CCSER1: variants seen among roughly 807,000 people sequenced by gnomAD.
The protein encoded by CCSER1 is coiled-coil serine rich protein 1, also known as serine-rich coiled-coil domain-containing protein 1.
Under a neutral mutation model 82.0 loss-of-function variants are expected in CCSER1, and 41 were observed. That is an observed-to-expected ratio of 0.50 (90% confidence interval 0.39 to 0.65). The LOEUF (loss-of-function observed/expected upper bound fraction) is 0.65, where lower values mean the gene tolerates loss of function less well. Among genes scored for constraint, CCSER1 ranks in the 30% least tolerant of loss-of-function variants. The probability of loss-of-function intolerance (pLI) is 0.00; values close to 1 mark genes in which losing one functional copy is unlikely to be tolerated. For missense variants in CCSER1, 1,119 were observed against 1,064.2 expected (o/e 1.05, Z -0.72); for synonymous variants, 414 against 383.9 (o/e 1.08, Z -0.92).
chr4:90,843,529 A>T (rs1400746720), intron 8 of CCSER1, among the ~76,000 whole-genome samples: 6 of 152,136 alleles, frequency 3.9e-5, no homozygotes, highest in African/African-American at 1.4e-4. Flanking sequence ...CTTCAGATTA[A>T]TTTTTTTCCT....
At chr4:91,040,505 A>T (rs1741865622) in intron 9 of CCSER1, among the ~76,000 whole-genome samples, 1 of 152,152 alleles carries the variant, frequency 6.6e-6, no homozygotes, top group African/African-American at 2.4e-5. Flanking sequence ...AATCATATTG[A>T]AAATATTGGC....
intron 6 of CCSER1, 59 bp from the exon 7 acceptor site, chr4:90,723,855 G>T: frequency 2.8e-6 from 2 of 704,932 alleles, no homozygotes; most frequent in Non-Finnish European, 4.4e-6. Flanking sequence ...TCTAAATTAT[G>T]AATAGTCAAA....
intron 4 of CCSER1, among the ~76,000 whole-genome samples, chr4:90,424,725 A>T (rs1005376635): frequency 6.6e-6 from 1 of 152,210 alleles, no homozygotes. Flanking sequence ...CTTCCAGTTC[A>T]GTCCTCTTTC....
intron 1 of CCSER1, among the ~76,000 whole-genome samples, chr4:90,276,234 CTTTCTTTCTTTCT>C (rs1727602156): frequency 1.8e-5 from 2 of 109,116 alleles, no homozygotes; most frequent in African/African-American, 3.7e-5. Flanking sequence ...TTCTTTCTTT[CTTTCTTTCTTTCT>C]TTCTTTCCTT....
chr4:91,285,939 T>C (rs1560566609), intron 10 of CCSER1, among the ~76,000 whole-genome samples: 1 of 151,776 alleles, frequency 6.6e-6, no homozygotes, highest in Non-Finnish European at 1.5e-5. Flanking sequence ...AGAAATTTTA[T>C]AGTTGGTTCT....
At chr4:90,917,394 C>G (rs1727637077) in intron 8 of CCSER1, among the ~76,000 whole-genome samples, 1 of 152,098 alleles carries the variant, frequency 6.6e-6, no homozygotes, top group Non-Finnish European at 1.5e-5. Flanking sequence ...AACCATCATT[C>G]TCAGCAAACT....
intron 10 of CCSER1, among the ~76,000 whole-genome samples, chr4:91,174,470 G>A (rs1471908369): frequency 6.6e-6 from 1 of 151,948 alleles, no homozygotes; most frequent in Non-Finnish European, 1.5e-5. Flanking sequence ...TTTACTATAA[G>A]TTCTGGGAAG....
At chr4:91,105,267 C>G (rs1380011685) in intron 10 of CCSER1, among the ~76,000 whole-genome samples, 51 of 151,726 alleles carry the variant, frequency 3.4e-4, no homozygotes. Context: ...ACATACACTA[C>G]AAGTAATATG....
At chr4:90,627,838 T>C (rs1050020037) in intron 5 of CCSER1, among the ~76,000 whole-genome samples, 187 bp from the exon 6 acceptor site, 2 of 152,018 alleles carry the variant, frequency 1.3e-5, no homozygotes, top group Middle Eastern at 3.2e-3. Context: ...ATCACGCCAC[T>C]GCACTCCAGC....
intron 3 of CCSER1, among the ~76,000 whole-genome samples, chr4:90,395,859 C>G (rs1751870628): frequency 6.7e-6 from 1 of 149,172 alleles, no homozygotes; most frequent in South Asian, 2.1e-4. Context: ...GACATGAGGT[C>G]AGAAGTTCAA....
rs1028175341 is a variant in CCSER1 at position 90,635,799 on chromosome 4, T to G, written c.1932+7567T>G. Among the ~76,000 whole-genome samples, 3 of 151,904 alleles carry G rather than the reference T, an allele frequency of 2.0e-5. 1 individual carries two copies. Among genetic ancestry groups the G allele is most frequent in the Admixed American group, 2.0e-4 (3 of 15,250 alleles). On this transcript the variant is annotated intron_variant, in intron 6 of 10. Transcript: ENST00000509176. ...GTTCCCAACACAAAGAAAAGATACA[T>G]GTTTGAGGTGATGTATATAGCAATT... is the stretch of plus-strand genomic sequence containing the variant.
intron 10 of CCSER1, among the ~76,000 whole-genome samples, chr4:91,496,611 TATACAC>T (rs1560716259): frequency 7.6e-5 from 2 of 26,442 alleles, no homozygotes; most frequent in African/African-American, 2.1e-4. Flanking sequence ...TGAATATATA[TATACAC>T]GAATATATAT....
At chr4:91,394,340 C>T (rs950030303) in intron 10 of CCSER1, among the ~76,000 whole-genome samples, 1 of 151,954 alleles carries the variant, frequency 6.6e-6, no homozygotes, top group Non-Finnish European at 1.5e-5. Context: ...TCAATATCAT[C>T]ATTAGAATAA....
chr4:90,370,543 T>G (rs898092988), intron 3 of CCSER1: 1 of 152,022 alleles, frequency 6.6e-6, no homozygotes, highest in Non-Finnish European at 1.5e-5. Context: ...ATAGTAAAAT[T>G]AAACATTATT....
chr4:91,012,750 G>A (rs1007013680), intron 9 of CCSER1, among the ~76,000 whole-genome samples: 4 of 82,576 alleles, frequency 4.8e-5, no homozygotes, highest in Admixed American at 3.5e-4. Flanking sequence ...CAGGGACCAG[G>A]GGGATGGTGT....
chr4:91,348,399 C>A (rs1002756539), intron 10 of CCSER1, among the ~76,000 whole-genome samples: 2 of 152,014 alleles, frequency 1.3e-5, no homozygotes, highest in African/African-American at 4.8e-5. Flanking sequence ...AGGATTTATG[C>A]ATCTATGTTC....
chr4:90,341,265 G>A lies in CCSER1; in HGVS notation c.1509+28218G>A, dbSNP rs369361139. Among the ~76,000 whole-genome samples, 33 of 152,104 alleles carry A rather than the reference G, an allele frequency of 2.2e-4. No homozygotes were observed. In the South Asian group the frequency reaches 6.4e-3, roughly 30 times the overall value. On this transcript the variant is annotated intron_variant, in intron 3 of 10. Coordinates refer to ENST00000509176, the MANE Select transcript of CCSER1 (RefSeq NM_001145065.2). ...CAGTGAAAGTGTTATTTGTTGAAGT[G>A]CTTAGCTCTGTGATCTTATGAGAGT...
At chr4:90,997,111 A>G (rs1008655502) in intron 9 of CCSER1, among the ~76,000 whole-genome samples, 4 of 152,160 alleles carry the variant, frequency 2.6e-5, no homozygotes, top group African/African-American at 9.7e-5. Flanking sequence ...TTGTTATCTT[A>G]CAGTTGTGGG....
intron 9 of CCSER1, among the ~76,000 whole-genome samples, chr4:90,940,136 A>G (rs962619343): frequency 6.6e-6 from 1 of 152,174 alleles, no homozygotes; most frequent in Non-Finnish European, 1.5e-5. Context: ...CAACTGAAGT[A>G]AGTCAATAAA....
Sources: allele counts gnomAD v4.1 joint callset (sites outside exome capture counted in the v4.1 genomes callset), GRCh38; gene constraint gnomAD v4.1.1; transcripts MANE v1.5; gene names NCBI Gene and HGNC (gene_info 2026-07-23, HGNC 2026-07-21).